The following SH3BGRL2 variants were observed in gnomAD, a reference collection of about 807,000 sequenced individuals.
The protein encoded by SH3BGRL2 is SH3 domain binding glutamate rich protein like 2, also known as SH3 domain-binding glutamic acid-rich-like protein 2.
SH3BGRL2 carries 21 observed loss-of-function variants against 14.8 expected under a neutral mutation model. The ratio of observed to expected loss-of-function variants is 1.42; its 90% confidence interval spans 1.01 to 2.05. SH3BGRL2 has a LOEUF of 2.05. SH3BGRL2 is among the 30% of genes most tolerant of loss of function. The pLI, the probability that SH3BGRL2 is intolerant of heterozygous loss-of-function variation, is 0.00. For synonymous variants in SH3BGRL2, 50 were observed against 47.8 expected, an observed-to-expected ratio of 1.05 and a Z score of -0.19; for missense variants, 147 against 130.8, an observed-to-expected ratio of 1.12 and a Z score of -0.61.
chr6:79,587,243 A>G, the SH3BGRL2 span, among the ~76,000 whole-genome samples: 1 of 152,250 alleles, frequency 6.6e-6, no homozygotes, highest in Non-Finnish European at 1.5e-5. Context: ...TTAGTATAAA[A>G]GGAGTTATTC....
chr6:79,645,234 T>A (rs1359779229), intron 1 of SH3BGRL2, among the ~76,000 whole-genome samples: 2 of 151,940 alleles, frequency 1.3e-5, no homozygotes, highest in Non-Finnish European at 2.9e-5. Context: ...TTTATTAAGG[T>A]TAGTGTAGGC....
chr6:79,646,551 A>G (rs559168555), intron 1 of SH3BGRL2, among the ~76,000 whole-genome samples: 1 of 152,234 alleles, frequency 6.6e-6, no homozygotes, highest in Non-Finnish European at 1.5e-5. Context: ...TAATTGAGAT[A>G]TAATTCACAT....
chr6:79,594,040 C>A, the SH3BGRL2 span, among the ~76,000 whole-genome samples: 387 of 135,004 alleles, frequency 2.9e-3, 3 homozygotes, highest in African/African-American at 9.6e-3. Flanking sequence ...AAAAAAAAAA[C>A]CCAAAAACTT....
chr6:79,577,713 A>T, the SH3BGRL2 span, among the ~76,000 whole-genome samples: 1 of 152,228 alleles, frequency 6.6e-6, no homozygotes, highest in Non-Finnish European at 1.5e-5. Flanking sequence ...TCAATGCAGA[A>T]GACAGGTGAT....
chr6:79,680,138 A>T (rs1163997250), intron 2 of SH3BGRL2, among the ~76,000 whole-genome samples: 1 of 152,176 alleles, frequency 6.6e-6, no homozygotes, highest in Non-Finnish European at 1.5e-5. Context: ...TTGGTATCAT[A>T]TCCAGAAAAT....
At chr6:79,559,753 A>T in the SH3BGRL2 span, among the ~76,000 whole-genome samples, 307 of 152,324 alleles carry the variant, frequency 2.0e-3, 1 homozygote, top group African/African-American at 6.9e-3. Context: ...GAGAATACAC[A>T]TGGAGATATT....
At chr6:79,579,267 G>A in the SH3BGRL2 span, among the ~76,000 whole-genome samples, 4 of 152,136 alleles carry the variant, frequency 2.6e-5, no homozygotes, top group Non-Finnish European at 5.9e-5. Flanking sequence ...TGGCAAGGCA[G>A]GCCAACATTA....
the SH3BGRL2 span, among the ~76,000 whole-genome samples, chr6:79,548,201 C>T: frequency 1.3e-5 from 2 of 152,076 alleles, no homozygotes; most frequent in African/African-American, 4.8e-5. Context: ...TTTTCACTTA[C>T]TAATTACACA....
chr6:79,691,432 G>A (rs1355168767), intron 2 of SH3BGRL2, among the ~76,000 whole-genome samples: 3 of 149,926 alleles, frequency 2.0e-5, no homozygotes, highest in Non-Finnish European at 3.0e-5. Flanking sequence ...GTATACATGT[G>A]CCATGTTGGT....
chr6:79,668,483 C>T (rs941410039), intron 1 of SH3BGRL2, among the ~76,000 whole-genome samples: 2 of 151,984 alleles, frequency 1.3e-5, no homozygotes, highest in African/African-American at 4.8e-5. Flanking sequence ...GCATTGGGGT[C>T]CTCAGGAGAT....
In SH3BGRL2 at chr6:79,651,493, G is replaced by T. The variant is rs1769293938; in HGVS notation, c.45+19987G>T. ...ATGGTTCTGCTAACGTTTTATTAAGGCTTTACATCACTAAGTATTAAGGTT... is the reference window on the plus strand; with the variant it reads ...ATGGTTCTGCTAACGTTTTATTAAGTCTTTACATCACTAAGTATTAAGGTT... On this transcript the variant is annotated intron_variant, in intron 1 of 3. Transcript: ENST00000369838. 2.6e-5 allele frequency among the ~76,000 whole-genome samples: 4 copies of T among 152,174 alleles called. No homozygotes were observed. In the South Asian group the frequency reaches 8.3e-4, roughly 32 times the overall value.
At chr6:79,584,694 C>A in the SH3BGRL2 span, among the ~76,000 whole-genome samples, 1 of 152,184 alleles carries the variant, frequency 6.6e-6, no homozygotes, top group South Asian at 2.1e-4. Context: ...ATCAAATTAT[C>A]CGGATTGACA....
rs149049350 is a variant in SH3BGRL2, at chr6:79,679,699, A to G, written c.231+5900A>G. Among the ~76,000 whole-genome samples the G allele has an allele frequency of 5.5e-3, 830 of 152,162 alleles. 8 individuals carry two copies. Among genetic ancestry groups the G allele is most frequent in the African/African-American group, 0.019 (785 of 41,496 alleles). On this transcript the variant is annotated intron_variant, in intron 2 of 3. Transcript: ENST00000369838. ...ACCATTTTGCCTACCAACATTACCT[A>G]CCAACATTGCAGAGAGGTTCTAACT...
At chr6:79,663,758 T>A (rs1582726274) in intron 1 of SH3BGRL2, among the ~76,000 whole-genome samples, 1 of 152,248 alleles carries the variant, frequency 6.6e-6, no homozygotes, top group South Asian at 2.1e-4. Flanking sequence ...TGTTCAGCTA[T>A]GCCCTGCTCA....
the SH3BGRL2 span, among the ~76,000 whole-genome samples, chr6:79,545,084 A>G: frequency 7.9e-5 from 12 of 152,328 alleles, no homozygotes; most frequent in African/African-American, 2.4e-4. Context: ...CAAATGCTGA[A>G]GTCGTCAAGC....
chr6:79,623,093 G>A, the SH3BGRL2 span, among the ~76,000 whole-genome samples: 1 of 152,050 alleles, frequency 6.6e-6, no homozygotes, highest in African/African-American at 2.4e-5. Flanking sequence ...ATCACTTGAG[G>A]TCAGGAGTTC....
intron 1 of SH3BGRL2, among the ~76,000 whole-genome samples, chr6:79,672,649 A>G (rs1052405759): frequency 2.0e-5 from 3 of 152,150 alleles, no homozygotes; most frequent in Admixed American, 2.0e-4. Flanking sequence ...GTTTGGCACT[A>G]TCTGTCATTT....
the SH3BGRL2 span, among the ~76,000 whole-genome samples, chr6:79,590,776 A>G: frequency 6.6e-6 from 1 of 152,068 alleles, no homozygotes; most frequent in Non-Finnish European, 1.5e-5. Context: ...CCTGAGCATC[A>G]TGCAGTATAC....
the SH3BGRL2 span, among the ~76,000 whole-genome samples, chr6:79,600,508 C>T: frequency 3.3e-5 from 5 of 152,256 alleles, no homozygotes; most frequent in Non-Finnish European, 4.4e-5. Context: ...CCTTGCTCTG[C>T]GGAGAGGAAA....
Sources: allele counts gnomAD v4.1 joint callset (sites outside exome capture counted in the v4.1 genomes callset), GRCh38; gene constraint gnomAD v4.1.1; transcripts MANE v1.5; gene names NCBI Gene and HGNC (gene_info 2026-07-23, HGNC 2026-07-21).